MACROD1: variants seen among roughly 807,000 people sequenced by gnomAD.
MACROD1 encodes the protein ADP-ribose glycohydrolase MACROD1.
Under a neutral mutation model 41.4 loss-of-function variants are expected in MACROD1, and 31 were observed. The ratio of observed to expected loss-of-function variants is 0.75; its 90% CI spans 0.56 to 1.01. The LOEUF (loss-of-function observed/expected upper bound fraction) is 1.01, where lower values mean the gene tolerates loss of function less well. MACROD1 is among the 50% of genes least tolerant of loss of function. MACROD1 has a pLI of 0.00. For missense variants in MACROD1, 473 were observed against 460.0 expected (o/e 1.03, Z -0.26); for synonymous variants, 252 against 203.4 (o/e 1.24, Z -2.03).
At chr11:64,094,830 T>C (rs1944549467) in intron 3 of MACROD1, among the ~76,000 whole-genome samples, 1 of 152,198 alleles carries the variant, frequency 6.6e-6, no homozygotes, top group South Asian at 2.1e-4. Flanking sequence ...GAACTGAGGC[T>C]GAAGCACTTC....
rs746377162 is a variant in MACROD1, at chr11:64,116,563, C to G, written c.517+34676G>C. The stretch of plus-strand genomic sequence containing the variant: ...AACCAGATCAACAACGCCGGCATCC[C>G]CCAGGACCTCAAGACCAAGGTCAAC... On this transcript the variant is annotated intron_variant, in intron 3 of 10. Coordinates refer to ENST00000255681, the MANE Select transcript of MACROD1 (RefSeq NM_014067.4). 5 of 1,613,994 alleles carry G rather than the reference C, an allele frequency of 3.1e-6. No homozygotes were observed. The East Asian group carries it at 1.1e-4, about 36-fold the overall frequency.
At chr11:64,015,700 TC>T (rs1478247243) in intron 3 of MACROD1, among the ~76,000 whole-genome samples, 2 of 152,126 alleles carry the variant, frequency 1.3e-5, no homozygotes, top group Admixed American at 6.5e-5. Context: ...GCTCACAGCT[TC>T]CGGCAGGGCA....
rs147840957 is a variant in MACROD1, at chr11:64,062,342, G to A, written c.518-47061C>T. Among the ~76,000 whole-genome samples, 8 of 152,284 alleles carry A rather than the reference G, an allele frequency of 5.3e-5. No homozygotes were observed. The South Asian group carries it at 1.2e-3, about 24-fold the overall frequency. On this transcript the variant is annotated intron_variant, in intron 3 of 10. Transcript: ENST00000255681. ...GGGTGTCTCCCAGAGGGAGTCCTGC[G>A]TCTGTGGCTGGCTCAGACATATGCA...
intron 3 of MACROD1, among the ~76,000 whole-genome samples, chr11:64,086,066 G>T (rs1944388605): frequency 6.6e-6 from 1 of 152,294 alleles, no homozygotes; most frequent in Non-Finnish European, 1.5e-5. Flanking sequence ...TCCCTATGGA[G>T]CCCTGGGGGC....
chr11:64,017,039 G>A (rs1269224127), intron 3 of MACROD1, among the ~76,000 whole-genome samples: 4 of 152,206 alleles, frequency 2.6e-5, no homozygotes, highest in East Asian at 1.9e-4. Context: ...GCACCATCTC[G>A]GCTCGCTGCA....
rs116596878 is a variant in MACROD1, at chr11:64,052,091, C to T, written c.518-36810G>A. ...GCAGAGTCCCTGCATTGGAGCAAAT[C>T]CCTTGGAGGAAGCCCTGGCCCTCCT... On this transcript the variant is annotated intron_variant, in intron 3 of 10. Transcript: ENST00000255681. Among the ~76,000 whole-genome samples, 351 of 152,086 alleles carry T rather than the reference C, an allele frequency of 2.3e-3. 1 individual carries two copies. Among genetic ancestry groups the T allele is most frequent in the African/African-American group, 7.8e-3 (323 of 41,468 alleles).
Position 63,999,565 on chromosome 11 carries a change from G to A in MACROD1, c.787-5C>T. On this transcript the variant is annotated splice_polypyrimidine_tract_variant and splice_region_variant and intron_variant, in intron 6 of 10. Coordinates refer to ENST00000255681, the MANE Select transcript of MACROD1 (RefSeq NM_014067.4). ...GGTGGAGATGCAGGGGAACGCCTGG[G>A]CGGGGAGGGGTGAGAGGGGGTTGGA... The A allele has an allele frequency of 1.2e-6, 2 of 1,610,030 alleles. No homozygotes were observed. The highest frequency in any genetic ancestry group is 8.5e-7 in the Non-Finnish European group (1 of 1,178,796).
intron 3 of MACROD1, among the ~76,000 whole-genome samples, chr11:64,040,159 A>C (rs1943457813): frequency 6.6e-6 from 1 of 152,162 alleles, no homozygotes; most frequent in South Asian, 2.1e-4. Context: ...GCTTCCAGTC[A>C]GATGTGGTGT....
chr11:64,035,704 G>T (rs1279032697), intron 3 of MACROD1, among the ~76,000 whole-genome samples: 3 of 3,454 alleles, frequency 8.7e-4, no homozygotes, highest in African/African-American at 1.3e-3. Flanking sequence ...TGCGCAGCGC[G>T]GCGCCCCCGT....
intron 3 of MACROD1, among the ~76,000 whole-genome samples, chr11:64,084,329 C>T (rs1944355624): frequency 6.6e-6 from 1 of 152,134 alleles, no homozygotes. Context: ...GGATGCCTGT[C>T]CCCCAGCCTC....
At chr11:64,018,701 C>T (rs2134346220) in intron 3 of MACROD1, among the ~76,000 whole-genome samples, 1 of 152,298 alleles carries the variant, frequency 6.6e-6, no homozygotes, top group East Asian at 1.9e-4. Context: ...CCTCAGTTTG[C>T]TGGGAGGCTC....
intron 4 of MACROD1, among the ~76,000 whole-genome samples, chr11:64,002,590 C>T (rs12361815): frequency 3.7e-4 from 56 of 152,152 alleles, no homozygotes; most frequent in Admixed American, 2.4e-3. Flanking sequence ...TGCAGCCTGG[C>T]CCCTCTTGCC....
intron 3 of MACROD1, among the ~76,000 whole-genome samples, chr11:64,094,363 G>A (rs1420881351): frequency 4.0e-5 from 6 of 151,872 alleles, no homozygotes; most frequent in African/African-American, 1.2e-4. Flanking sequence ...CCCAGGAGGC[G>A]GAGGTTGCAG....
chr11:64,058,536 C>T (rs1943835163), intron 3 of MACROD1, among the ~76,000 whole-genome samples: 1 of 152,248 alleles, frequency 6.6e-6, no homozygotes, highest in African/African-American at 2.4e-5. Flanking sequence ...AGCAGATGCC[C>T]AGGCCTGGGA....
At chr11:64,101,616 ATGGAG>A (rs1340173390) in intron 3 of MACROD1, among the ~76,000 whole-genome samples, 1 of 152,142 alleles carries the variant, frequency 6.6e-6, no homozygotes, top group East Asian at 1.9e-4. Flanking sequence ...TCTCGCTTTC[ATGGAG>A]AAATTACAAT....
chr11:64,147,395 C>CT (rs1278976301), intron 3 of MACROD1, among the ~76,000 whole-genome samples: 2,613 of 129,440 alleles, frequency 0.02, 47 homozygotes, highest in South Asian at 0.13. Flanking sequence ...TTCTTTCTTT[C>CT]TTTTTTTTTT....
intron 3 of MACROD1, among the ~76,000 whole-genome samples, chr11:64,132,015 T>A (rs933655282): frequency 1.3e-5 from 2 of 152,038 alleles, no homozygotes; most frequent in Non-Finnish European, 2.9e-5. Context: ...AAGTGGGGCC[T>A]CCCCATGCCG....
In MACROD1 at chr11:63,998,977, C is replaced by T. The variant is rs757705539; in HGVS notation, c.951G>A (p.Arg317=). 29 of 1,605,400 alleles carry T rather than the reference C, an allele frequency of 1.8e-5. No homozygotes were observed. Among genetic ancestry groups the T allele is most frequent in the Admixed American group, 1.0e-4 (6 of 59,276 alleles). Residue 317 remains arginine (R), a synonymous_variant, in exon 9 of 11, where the codon CGG becomes CGA. Transcript: ENST00000255681. ...TACCCACGGGGAAGTAGTGGGGGAG[C>T]CGGCTCCGGTAGATGTCCTCGTCCT... The part of the protein sequence containing the change: ...LEKDEDIYRS[R]LPHYFPVA
chr11:64,070,444 A>G (rs1944086252), intron 3 of MACROD1, among the ~76,000 whole-genome samples: 1 of 152,180 alleles, frequency 6.6e-6, no homozygotes, highest in Non-Finnish European at 1.5e-5. Context: ...AGGGACTGCA[A>G]GGGATAAAAC....
Sources: allele counts gnomAD v4.1 joint callset (sites outside exome capture counted in the v4.1 genomes callset), GRCh38; gene constraint gnomAD v4.1.1; transcripts MANE v1.5; gene names NCBI Gene and HGNC (gene_info 2026-07-23, HGNC 2026-07-21).